CREG2: variants seen among roughly 807,000 people sequenced by gnomAD.
The protein encoded by CREG2 is cellular repressor of E1A stimulated genes 2, also known as protein CREG2.
A neutral mutation model predicts 26.2 loss-of-function variants in CREG2; 24 were observed. The observed-to-expected ratio is 0.92, with a 90% CI of 0.66 to 1.29. CREG2 has a LOEUF of 1.29. Ranked by LOEUF, CREG2 falls within the 50% of genes most tolerant of loss-of-function variation. CREG2 has a pLI of 0.00. For missense variants in CREG2, 366 were observed against 398.6 expected, an observed-to-expected ratio of 0.92 and a Z score of 0.70; for synonymous variants, 174 against 169.2, an observed-to-expected ratio of 1.03 and a Z score of -0.22.
At chr2:101,359,600 C>A (rs548297535) in intron 2 of CREG2, among the ~76,000 whole-genome samples, 1 of 152,324 alleles carries the variant, frequency 6.6e-6, no homozygotes, top group South Asian at 2.1e-4. Flanking sequence ...AACCACCTGA[C>A]CACCACCTGA....
At chr2:101,355,028 A>G (rs1277050344) in intron 3 of CREG2, among the ~76,000 whole-genome samples, 1 of 152,150 alleles carries the variant, frequency 6.6e-6, no homozygotes, top group Non-Finnish European at 1.5e-5. Flanking sequence ...GTAGGTAGGA[A>G]TTGTACCTGG....
At chr2:101,365,910 C>T (rs949503191) in intron 2 of CREG2, among the ~76,000 whole-genome samples, 4 of 152,176 alleles carry the variant, frequency 2.6e-5, no homozygotes, top group African/African-American at 9.7e-5. Flanking sequence ...TACCAGTAGA[C>T]CCTTTTGGTC....
rs1684339000 is a variant in CREG2, at chr2:101,348,896, C to T, written c.*2027G>A. Reference sequence around the variant, plus strand: ...ACTTGCCTGAATGGAGACCATCAAACTTAAAACTGTGAATTTTCAACACTA... The same window carrying T: ...ACTTGCCTGAATGGAGACCATCAAATTTAAAACTGTGAATTTTCAACACTA... On this transcript the variant is annotated 3_prime_UTR_variant, in exon 4 of 4. Coordinates refer to ENST00000324768, the MANE Select transcript of CREG2 (RefSeq NM_153836.4). The T allele has an allele frequency of 6.6e-6, 1 of 152,178 alleles. No homozygotes were observed. The highest frequency in any genetic ancestry group is 1.5e-5 in the Non-Finnish European group (1 of 68,026). 9.4% of individuals were successfully genotyped at this position (152,178 alleles called of 1,614,324 possible). A position where few individuals can be genotyped will look rare whatever the true frequency, so the allele number is the denominator to read the frequency against.
At chr2:101,381,136 C>T (rs892764400) in intron 2 of CREG2, among the ~76,000 whole-genome samples, 3 of 152,194 alleles carry the variant, frequency 2.0e-5, no homozygotes, top group African/African-American at 4.8e-5. Context: ...AAGCACGTGA[C>T]GACGATCTCT....
intron 2 of CREG2, among the ~76,000 whole-genome samples, chr2:101,377,212 C>T (rs574433572): frequency 1.1e-4 from 17 of 151,762 alleles, no homozygotes; most frequent in African/African-American, 3.6e-4. Context: ...TTTTTTTAAA[C>T]CACACAAACT....
At chr2:101,369,356 G>A (rs1362283143) in intron 2 of CREG2, among the ~76,000 whole-genome samples, 1 of 152,172 alleles carries the variant, frequency 6.6e-6, no homozygotes, top group Non-Finnish European at 1.5e-5. Flanking sequence ...GCTGGCAGCT[G>A]AGTCTGCCAT....
chr2:101,363,770 A>G (rs1684578735), intron 2 of CREG2, among the ~76,000 whole-genome samples: 2 of 151,950 alleles, frequency 1.3e-5, no homozygotes, highest in African/African-American at 4.8e-5. Context: ...GGATCACTTG[A>G]GCCCAGGAGA....
intron 2 of CREG2, among the ~76,000 whole-genome samples, chr2:101,376,892 G>A (rs199508795): frequency 6.6e-6 from 1 of 152,150 alleles, no homozygotes; most frequent in African/African-American, 2.4e-5. Context: ...CCTCTCGTCA[G>A]TAGACACCAG....
intron 2 of CREG2, among the ~76,000 whole-genome samples, chr2:101,369,138 A>G (rs1684664160): frequency 6.6e-6 from 1 of 152,204 alleles, no homozygotes; most frequent in Non-Finnish European, 1.5e-5. Flanking sequence ...GAATGATGAG[A>G]CGGGTGTTTT....
At chr2:101,381,621 G>A (rs1179632608) in intron 2 of CREG2, among the ~76,000 whole-genome samples, 1 of 152,204 alleles carries the variant, frequency 6.6e-6, no homozygotes, top group Admixed American at 6.5e-5. Flanking sequence ...AACAGTGTCA[G>A]GGGTATAGCA....
chr2:101,358,387 C>T (rs1396391763), intron 2 of CREG2, among the ~76,000 whole-genome samples: 1 of 152,138 alleles, frequency 6.6e-6, no homozygotes, highest in Non-Finnish European at 1.5e-5. Flanking sequence ...TTCTTTATCC[C>T]AATATCTGAT....
chr2:101,359,369 A>G (rs1226956022), intron 2 of CREG2, among the ~76,000 whole-genome samples: 1 of 152,114 alleles, frequency 6.6e-6, no homozygotes, highest in Non-Finnish European at 1.5e-5. Flanking sequence ...TGCTCACTTG[A>G]GATGTTCTTC....
chr2:101,372,886 G>A (rs1004703255), intron 2 of CREG2, among the ~76,000 whole-genome samples: 7 of 152,120 alleles, frequency 4.6e-5, no homozygotes, highest in Non-Finnish European at 1.0e-4. Flanking sequence ...CACACAAAAG[G>A]ATGCTCAGCA....
At chr2:101,367,237 G>A (rs1461733486) in intron 2 of CREG2, among the ~76,000 whole-genome samples, 1 of 152,160 alleles carries the variant, frequency 6.6e-6, no homozygotes, top group Admixed American at 6.5e-5. Context: ...CCACTTCCTG[G>A]ACAGGAGAGC....
intron 2 of CREG2, among the ~76,000 whole-genome samples, chr2:101,362,152 G>T (rs1684551137): frequency 6.6e-6 from 1 of 152,194 alleles, no homozygotes; most frequent in South Asian, 2.1e-4. Flanking sequence ...GACTTCCAGA[G>T]TGGAAATCCC....
At position 101,347,129 on chromosome 2, in the gene CREG2, C is replaced by T. The variant is rs932125873; in HGVS notation, c.*3794G>A. ...CTCAGCACAATTCTCTGGAATTCAT[C>T]CCAGTGGTTGCCCATGTCAGTAATT... On this transcript the variant is annotated 3_prime_UTR_variant, in exon 4 of 4. Transcript: ENST00000324768. 2.0e-5 allele frequency: 3 copies of T among 152,202 alleles called. No homozygotes were observed. Among genetic ancestry groups the T allele is most frequent in the African/African-American group, 7.2e-5 (3 of 41,430 alleles). 9.4% of individuals were successfully genotyped at this position (152,202 alleles called of 1,614,324 possible). A position where few individuals can be genotyped will look rare whatever the true frequency, so the allele number is the denominator to read the frequency against.
intron 3 of CREG2, among the ~76,000 whole-genome samples, chr2:101,353,310 G>A (rs1267303350): frequency 6.6e-6 from 1 of 152,158 alleles, no homozygotes; most frequent in African/African-American, 2.4e-5. Context: ...TGCTTTTGGT[G>A]TTTTAGTCAT....
At position 101,350,998 on chromosome 2, in the gene CREG2, C is replaced by G; in HGVS notation, c.798G>C (p.Trp266Cys). Residue 266 changes from tryptophan (W) to cysteine (C), a missense_variant, in exon 4 of 4, where the codon TGG (tryptophan) becomes TGC (cysteine). Physicochemically the swap from Trp to Cys is radical, Grantham distance 215. This residue lies in a region of CREG2 where 174 missense variants were observed against 178.2 expected (regional missense o/e 0.98). Transcript: ENST00000324768. Reference protein sequence around the residue: ...FFMKMRIEHIWLQKWYGGASS... With the variant: ...FFMKMRIEHICLQKWYGGASS... ...ATGCGCCTCCATACCATTTCTGAAG[C>G]CAGATATGTTCTATCCTCATCTTCA... The G allele has an allele frequency of 6.2e-7, 1 of 1,614,086 alleles. No homozygotes were observed. The highest frequency in any genetic ancestry group is 8.5e-7 in the Non-Finnish European group (1 of 1,179,928).
At chr2:101,386,781 A>G (rs997300331) in intron 1 of CREG2, among the ~76,000 whole-genome samples, 1 of 151,940 alleles carries the variant, frequency 6.6e-6, no homozygotes, top group Non-Finnish European at 1.5e-5. Flanking sequence ...ACCCAACCCT[A>G]CCTGGCAGGA....
Sources: allele counts gnomAD v4.1 joint callset (sites outside exome capture counted in the v4.1 genomes callset), GRCh38; gene constraint gnomAD v4.1.1; regional missense constraint gnomAD v4.1.1; transcripts MANE v1.5; gene names NCBI Gene and HGNC (gene_info 2026-07-23, HGNC 2026-07-21).